The following MGAT4C variants were observed in gnomAD, a reference collection of about 807,000 sequenced individuals.
The protein encoded by MGAT4C is alpha-1,3-mannosyl-glycoprotein 4-beta-N-acetylglucosaminyltransferase C.
Under a neutral mutation model 40.1 loss-of-function variants are expected in MGAT4C, and 19 were observed. The observed-to-expected ratio is 0.47, with a 90% CI of 0.33 to 0.70. MGAT4C has a LOEUF of 0.70. MGAT4C is among the 30% of genes least tolerant of loss of function. The pLI, the probability that MGAT4C is intolerant of heterozygous loss-of-function variation, is 0.02. For missense variants in MGAT4C, 491 were observed against 563.2 expected (o/e 0.87, Z 1.30); for synonymous variants, 181 against 187.1 (o/e 0.97, Z 0.27).
chr12:86,257,628 C>T (rs1952560096), upstream of MGAT4C, among the ~76,000 whole-genome samples: 1 of 152,232 alleles, frequency 6.6e-6, no homozygotes, highest in Admixed American at 6.5e-5. Flanking sequence ...TACATTCCCT[C>T]TGCATTTACA....
At chr12:86,608,236 A>T (rs1443343040) in intron 2 of MGAT4C, among the ~76,000 whole-genome samples, 1 of 152,120 alleles carries the variant, frequency 6.6e-6, no homozygotes, top group East Asian at 1.9e-4. Flanking sequence ...TAGATGTATC[A>T]CATAAAGCAT....
intron 1 of MGAT4C, among the ~76,000 whole-genome samples, chr12:86,231,676 A>G (rs1202688384): frequency 2.0e-5 from 3 of 152,184 alleles, no homozygotes; most frequent in Admixed American, 1.3e-4. Flanking sequence ...TCTTAGATGT[A>G]CCCAGTTAAT....
In MGAT4C at chr12:86,315,623, A is replaced by G. The variant is rs375043001; in HGVS notation, c.-57+18442T>C. Among the ~76,000 whole-genome samples the G allele has an allele frequency of 6.1e-3, 933 of 152,064 alleles. 3 individuals are homozygous for G. The highest frequency in any genetic ancestry group is 0.021 in the African/African-American group (877 of 41,514). ...CTGGAGGCTGAGGCAGGAGAATGGCATGAACCCGGGAGGCGGAGCTTGCAG... is the reference window on the plus strand; with the variant it reads ...CTGGAGGCTGAGGCAGGAGAATGGCGTGAACCCGGGAGGCGGAGCTTGCAG... On this transcript the variant is annotated intron_variant, in intron 4 of 7. Transcript: ENST00000548651.
At chr12:86,309,001 A>G (rs1954007204) in intron 4 of MGAT4C, among the ~76,000 whole-genome samples, 1 of 150,624 alleles carries the variant, frequency 6.6e-6, no homozygotes, top group South Asian at 2.1e-4. Context: ...TAATAAAAAG[A>G]AAAGTAAAAT....
intron 2 of MGAT4C, among the ~76,000 whole-genome samples, chr12:86,477,681 G>A (rs189930213): frequency 2.2e-4 from 33 of 151,954 alleles, no homozygotes; most frequent in African/African-American, 7.0e-4. Context: ...GTGCCATGTC[G>A]GTGTGCTGCA....
chr12:86,298,118 C>T (rs967656331), intron 4 of MGAT4C, among the ~76,000 whole-genome samples: 1 of 151,472 alleles, frequency 6.6e-6, no homozygotes, highest in Non-Finnish European at 1.5e-5. Context: ...TTAATAAAAG[C>T]CCTAAAGGGT....
chr12:86,666,644 C>T (rs1262187700), intron 2 of MGAT4C, among the ~76,000 whole-genome samples: 1 of 152,056 alleles, frequency 6.6e-6, no homozygotes, highest in Admixed American at 6.5e-5. Context: ...CCTTGTTTCC[C>T]CACAAATGTT....
intron 3 of MGAT4C, among the ~76,000 whole-genome samples, chr12:86,430,144 A>G (rs1042984780): frequency 6.6e-6 from 1 of 152,006 alleles, no homozygotes; most frequent in African/African-American, 2.4e-5. Flanking sequence ...AACTTCTTGC[A>G]ATTTTGTATA....
intron 1 of MGAT4C, among the ~76,000 whole-genome samples, chr12:86,247,063 T>A (rs1172596425): frequency 6.6e-6 from 1 of 152,306 alleles, no homozygotes; most frequent in African/African-American, 2.4e-5. Flanking sequence ...TCTCTTCATA[T>A]CCTTCAACTA....
intron 2 of MGAT4C, among the ~76,000 whole-genome samples, chr12:86,523,289 A>G (rs1199433635): frequency 6.6e-6 from 1 of 152,044 alleles, no homozygotes; most frequent in African/African-American, 2.4e-5. Context: ...AGTGTCTTGT[A>G]TCTTTGTTCT....
At chr12:86,053,589 A>G (rs2136976777) in intron 1 of MGAT4C, among the ~76,000 whole-genome samples, 1 of 152,084 alleles carries the variant, frequency 6.6e-6, no homozygotes, top group South Asian at 2.1e-4. Flanking sequence ...AAATGGGATT[A>G]TATCAAATTA....
At chr12:86,764,327 G>A (rs893426323) in intron 1 of MGAT4C, among the ~76,000 whole-genome samples, 1 of 152,158 alleles carries the variant, frequency 6.6e-6, no homozygotes, top group Non-Finnish European at 1.5e-5. Flanking sequence ...GCCCGCCATT[G>A]CCCAGGCTTG....
At chr12:86,460,869 C>T (rs1198355554) in intron 2 of MGAT4C, among the ~76,000 whole-genome samples, 2 of 152,014 alleles carry the variant, frequency 1.3e-5, no homozygotes, top group African/African-American at 4.8e-5. Flanking sequence ...AAGGTTATGA[C>T]AGAAATAGCC....
At chr12:86,768,027 C>T (rs1951548612) in intron 1 of MGAT4C, among the ~76,000 whole-genome samples, 1 of 152,114 alleles carries the variant, frequency 6.6e-6, no homozygotes, top group Non-Finnish European at 1.5e-5. Flanking sequence ...GGCAATTAGG[C>T]AGGAGAAGGA....
intron 3 of MGAT4C, among the ~76,000 whole-genome samples, chr12:86,434,916 G>A (rs1592844149): frequency 6.6e-6 from 1 of 151,828 alleles, no homozygotes; most frequent in Non-Finnish European, 1.5e-5. Context: ...CTCAACAGAA[G>A]AGTAGTTTAA....
chr12:86,367,911 C>A (rs758589474), intron 3 of MGAT4C, among the ~76,000 whole-genome samples: 3 of 152,170 alleles, frequency 2.0e-5, no homozygotes, highest in Non-Finnish European at 4.4e-5. Flanking sequence ...GCCAGAAGCG[C>A]CTCTCAGGTT....
intron 4 of MGAT4C, among the ~76,000 whole-genome samples, chr12:86,323,796 C>T (rs1425407021): frequency 2.6e-5 from 4 of 151,800 alleles, no homozygotes; most frequent in East Asian, 1.9e-4. Flanking sequence ...TTGATGCTTC[C>T]GACAATTCCT....
intron 2 of MGAT4C, among the ~76,000 whole-genome samples, chr12:86,544,580 C>G (rs1022886273): frequency 6.6e-6 from 1 of 152,072 alleles, no homozygotes; most frequent in Non-Finnish European, 1.5e-5. Flanking sequence ...TACTGATCCT[C>G]AATTAACATG....
intron 3 of MGAT4C, among the ~76,000 whole-genome samples, chr12:86,356,236 C>T (rs749766907): frequency 6.6e-6 from 1 of 152,120 alleles, no homozygotes; most frequent in Admixed American, 6.6e-5. Flanking sequence ...AAACTGACAA[C>T]ACTACCAACG....
Sources: gnomAD v4.1 joint callset for allele counts (sites outside exome capture counted in the v4.1 genomes callset) on GRCh38, gnomAD v4.1.1 for gene constraint, MANE v1.5 for transcripts, NCBI Gene and HGNC (gene_info 2026-07-23, HGNC 2026-07-21) for gene names.